The following TSC22D1 variants were observed in gnomAD, a reference collection of about 807,000 sequenced individuals.
The protein encoded by TSC22D1 is TSC22 domain family member 1.
A neutral mutation model predicts 74.2 loss-of-function variants in TSC22D1; 9 were observed. The observed-to-expected ratio is 0.12, with a 90% CI of 0.07 to 0.21. The LOEUF is 0.21. Ranked by LOEUF, TSC22D1 falls within the 10% of genes least tolerant of loss-of-function variation. TSC22D1 has a pLI of 1.00. For missense variants in TSC22D1, 1,427 were observed against 1,304.7 expected (o/e 1.09, Z -1.44); for synonymous variants, 586 against 492.5 (o/e 1.19, Z -2.51).
intron 1 of TSC22D1, among the ~76,000 whole-genome samples, chr13:44,469,619 G>T (rs1877484381): frequency 1.3e-5 from 2 of 152,098 alleles, no homozygotes; most frequent in Non-Finnish European, 2.9e-5. Flanking sequence ...TTTAAAGCAC[G>T]AATCTTGTAT....
intron 1 of TSC22D1, among the ~76,000 whole-genome samples, chr13:44,466,221 A>AG (rs763907251): frequency 6.6e-6 from 1 of 152,180 alleles, no homozygotes; most frequent in Non-Finnish European, 1.5e-5. Context: ...AAGCTAGGGA[A>AG]GGGGTATAGG....
chr13:44,435,066 T>C (rs1176434235), intron 2 of TSC22D1, 183 bp from the exon 3 acceptor site: 2 of 583,508 alleles, frequency 3.4e-6, no homozygotes, highest in African/African-American at 1.9e-5. Context: ...GAGTTTAACG[T>C]ATAAATGATC....
intron 1 of TSC22D1, among the ~76,000 whole-genome samples, chr13:44,446,556 G>C (rs537791908): frequency 2.0e-5 from 3 of 152,092 alleles, no homozygotes; most frequent in Non-Finnish European, 4.4e-5. Flanking sequence ...CTTGGGCAAC[G>C]GGATTATTAG....
chr13:44,518,289 C>T (rs1880149349), intron 1 of TSC22D1, among the ~76,000 whole-genome samples: 2 of 152,034 alleles, frequency 1.3e-5, no homozygotes, highest in South Asian at 2.1e-4. Flanking sequence ...ACGACAGTCA[C>T]AAAAGGTATT....
At chr13:44,447,221 C>CA (rs1384865161) in intron 1 of TSC22D1, among the ~76,000 whole-genome samples, 3 of 151,876 alleles carry the variant, frequency 2.0e-5, no homozygotes, top group Non-Finnish European at 4.4e-5. Context: ...TGGGCTCAGG[C>CA]AGTCCTCCCA....
chr13:44,538,847 CT>C, intron 1 of TSC22D1: 1 of 985,356 alleles, frequency 1.0e-6, no homozygotes, highest in Non-Finnish European at 1.2e-6. Context: ...AGAAGAATTC[CT>C]TTTGCTGAAG....
intron 1 of TSC22D1, among the ~76,000 whole-genome samples, chr13:44,482,362 C>T (rs1878217353): frequency 6.6e-6 from 1 of 152,034 alleles, no homozygotes; most frequent in Non-Finnish European, 1.5e-5. Context: ...TGGCAAAACC[C>T]CATCTCTACT....
intron 1 of TSC22D1, among the ~76,000 whole-genome samples, chr13:44,517,244 A>G (rs548400578): frequency 2.6e-5 from 4 of 152,168 alleles, no homozygotes; most frequent in African/African-American, 7.2e-5. Flanking sequence ...ACTAATATTT[A>G]TTTTTGTACA....
chr13:44,528,221 C>A (rs185095124), intron 1 of TSC22D1, among the ~76,000 whole-genome samples: 12 of 152,186 alleles, frequency 7.9e-5, no homozygotes, highest in Non-Finnish European at 1.6e-4. Context: ...TAGGCTACTT[C>A]ATCCAACAAC....
chr13:44,476,405 AG>A lies in TSC22D1; in HGVS notation c.2913-40311del, dbSNP rs552596926. On this transcript the variant is annotated intron_variant, in intron 1 of 2. Transcript: ENST00000458659. ...TAACTTGAAATAAACAGAATAATGA[AG>A]TGATTTTTTTCTTTTTGTTGATTAT... is the stretch of plus-strand genomic sequence containing the variant. Among the ~76,000 whole-genome samples, 203 of 152,282 alleles carry A rather than the reference AG, an allele frequency of 1.3e-3. 1 individual carries two copies. Among genetic ancestry groups the A allele is most frequent in the African/African-American group, 4.5e-3 (187 of 41,580 alleles).
chr13:44,554,654 A>AG (rs1882511878), intron 1 of TSC22D1, among the ~76,000 whole-genome samples: 4 of 147,446 alleles, frequency 2.7e-5, no homozygotes, highest in African/African-American at 1.0e-4. Flanking sequence ...AAAAAAAAAA[A>AG]GAGGTACTGT....
chr13:44,446,803 A>AGGAGGAGGAAGAGGAGGAGGAAGAAG (rs1566115894), intron 1 of TSC22D1, among the ~76,000 whole-genome samples: 1 of 140,286 alleles, frequency 7.1e-6, no homozygotes, highest in Non-Finnish European at 1.5e-5. Flanking sequence ...GGAGGAGGAA[A>AGGAGGAGGAAGAGGAGGAGGAAGAAG]AGGAGGAGGA....
intron 1 of TSC22D1, among the ~76,000 whole-genome samples, chr13:44,557,165 CA>C (rs970896882): frequency 1.4e-5 from 2 of 145,622 alleles, no homozygotes; most frequent in African/African-American, 2.5e-5. Context: ...AAAAAAATTA[CA>C]AAAAAAGAAA....
At chr13:44,463,205 A>G (rs939928259) in intron 1 of TSC22D1, among the ~76,000 whole-genome samples, 2 of 152,208 alleles carry the variant, frequency 1.3e-5, no homozygotes, top group African/African-American at 4.8e-5. Context: ...CTGTATAAGC[A>G]TAGAGAACAA....
At chr13:44,520,929 C>T (rs1042609567) in intron 1 of TSC22D1, among the ~76,000 whole-genome samples, 5 of 152,128 alleles carry the variant, frequency 3.3e-5, no homozygotes, top group African/African-American at 9.7e-5. Context: ...AAATGCTTTA[C>T]ATATATTAGC....
chr13:44,502,859 T>A (rs1004136410), intron 1 of TSC22D1, among the ~76,000 whole-genome samples: 1 of 152,246 alleles, frequency 6.6e-6, no homozygotes, highest in Admixed American at 6.5e-5. Flanking sequence ...TATGACCTAA[T>A]CTTTAATGAT....
chr13:44,523,298 T>C (rs1880401231), intron 1 of TSC22D1, among the ~76,000 whole-genome samples: 1 of 152,122 alleles, frequency 6.6e-6, no homozygotes, highest in Non-Finnish European at 1.5e-5. Flanking sequence ...CACACAGGTA[T>C]TTTCCCAAAT....
At chr13:44,505,569 C>T (rs113009937) in intron 1 of TSC22D1, among the ~76,000 whole-genome samples, 1 of 151,962 alleles carries the variant, frequency 6.6e-6, no homozygotes, top group African/African-American at 2.4e-5. Flanking sequence ...AAAATACATA[C>T]TATATATATT....
intron 1 of TSC22D1, among the ~76,000 whole-genome samples, chr13:44,543,858 G>C (rs1881634367): frequency 6.6e-6 from 1 of 152,216 alleles, no homozygotes; most frequent in Admixed American, 6.5e-5. Context: ...TTGTGAAGCT[G>C]AGGTGGGCCG....
Sources: allele counts gnomAD v4.1 joint callset (sites outside exome capture counted in the v4.1 genomes callset), GRCh38; gene constraint gnomAD v4.1.1; transcripts MANE v1.5; gene names NCBI Gene and HGNC (gene_info 2026-07-23, HGNC 2026-07-21).